Variants in U2SURP observed in about 807,000 individuals in gnomAD.
U2SURP encodes U2 snRNP associated SURP domain containing, also known as U2 snRNP-associated SURP motif-containing protein.
A neutral mutation model predicts 144.9 loss-of-function variants in U2SURP; 9 were observed. The observed-to-expected ratio is 0.06, with a 90% confidence interval of 0.04 to 0.11. U2SURP has a LOEUF of 0.11. U2SURP is among the 10% of genes least tolerant of loss of function. U2SURP has a pLI of 1.00. For synonymous variants in U2SURP, 408 were observed against 396.8 expected, an observed-to-expected ratio of 1.03 and a Z score of -0.33; for missense variants, 724 against 1,226.7, an observed-to-expected ratio of 0.59 and a Z score of 6.12.
chr3:143,007,793 TAAA>T (rs1323127548), intron 1 of U2SURP, among the ~76,000 whole-genome samples: 1 of 152,090 alleles, frequency 6.6e-6, no homozygotes, highest in Non-Finnish European at 1.5e-5. Flanking sequence ...CAGTTAAAAA[TAAA>T]AAGCCAAACT....
At chr3:143,042,455 A>G (rs955806911) in intron 23 of U2SURP, among the ~76,000 whole-genome samples, 2 of 151,662 alleles carry the variant, frequency 1.3e-5, no homozygotes, top group Admixed American at 1.3e-4. Context: ...AATTTTTTTT[A>G]ATTTTCATTT....
chr3:143,017,638 T>A (rs1275467792), intron 6 of U2SURP, among the ~76,000 whole-genome samples: 1 of 152,140 alleles, frequency 6.6e-6, no homozygotes, highest in Admixed American at 6.5e-5. Context: ...TTACCTTTTT[T>A]TTTTGAGACA....
At chr3:143,043,743 C>A (rs1485799583) in intron 24 of U2SURP, among the ~76,000 whole-genome samples, 1 of 149,054 alleles carries the variant, frequency 6.7e-6, no homozygotes, top group African/African-American at 2.5e-5. Flanking sequence ...ATATGTAATA[C>A]ATTATGTGTT....
chr3:143,033,414 A>AGAG, intron 18 of U2SURP, 64 bp downstream of exon 18: 1 of 899,636 alleles, frequency 1.1e-6, no homozygotes, highest in Non-Finnish European at 1.7e-6. Context: ...AGTTCAGAAA[A>AGAG]GAGGATTGTT....
intron 14 of U2SURP, among the ~76,000 whole-genome samples, chr3:143,028,111 T>G (rs1933261684): frequency 6.6e-6 from 1 of 152,134 alleles, no homozygotes; most frequent in African/African-American, 2.4e-5. Context: ...ATAAGACTCA[T>G]GATGCATGCC....
chr3:143,043,409 G>A lies in U2SURP; in HGVS notation c.2544+133G>A, dbSNP rs991927712. 4 of 968,554 alleles carry A rather than the reference G, an allele frequency of 4.1e-6. No homozygotes were observed. The Admixed American group carries it at 1.2e-4, about 30-fold the overall frequency. 60.0% of individuals were successfully genotyped at this position (968,554 alleles called of 1,614,324 possible). The stretch of plus-strand genomic sequence containing the variant: ...CTGCTTAGAACTCTTCATACCAGAT[G>A]ACTTTTCTTCAGGCCTCTTAGTTCA... On this transcript the variant is annotated intron_variant, in intron 24 of 27. Coordinates refer to ENST00000473835, the MANE Select transcript of U2SURP (RefSeq NM_001080415.2).
intron 16 of U2SURP, 53 bp downstream of exon 16, chr3:143,028,699 G>A: frequency 3.4e-6 from 5 of 1,454,334 alleles, no homozygotes; most frequent in Non-Finnish European, 3.7e-6. Context: ...TGTAATGGTT[G>A]CTTTAATTAA....
chr3:143,005,131 G>C (rs1050660724), intron 1 of U2SURP, among the ~76,000 whole-genome samples: 1 of 149,394 alleles, frequency 6.7e-6, no homozygotes, highest in Admixed American at 6.7e-5. Flanking sequence ...ATTTCACTCT[G>C]TGACTATGGC....
At chr3:143,046,302 T>TA (rs1934447740) in intron 24 of U2SURP, among the ~76,000 whole-genome samples, 1 of 131,566 alleles carries the variant, frequency 7.6e-6, no homozygotes, top group Non-Finnish European at 1.5e-5. Flanking sequence ...TTTTTATTTT[T>TA]TTTTATTTTT....
At chr3:143,014,540 G>A (rs768086131) in intron 4 of U2SURP, 131 bp downstream of exon 4, 1 of 532,402 alleles carries the variant, frequency 1.9e-6, no homozygotes, top group South Asian at 3.2e-5. Context: ...TCTGAGTCAA[G>A]TCTGTAATAC....
intron 24 of U2SURP, among the ~76,000 whole-genome samples, chr3:143,048,318 T>G (rs948880976): frequency 2.6e-5 from 4 of 152,248 alleles, no homozygotes; most frequent in African/African-American, 7.2e-5. Flanking sequence ...TTAAAATGAT[T>G]ATCTTAGGAA....
At chr3:143,039,881 T>C (rs1411910928) in intron 23 of U2SURP, among the ~76,000 whole-genome samples, 1 of 151,870 alleles carries the variant, frequency 6.6e-6, no homozygotes, top group Non-Finnish European at 1.5e-5. Flanking sequence ...GAAATGTTGG[T>C]GTGATTAGAA....
In U2SURP at chr3:143,046,300, T is replaced by TA. The variant is rs1182473275; in HGVS notation, c.2544+3024_2544+3025insA. ...TTTTTTTTTTAGTTTATTTTTTATT[T>TA]TTTTTTATTTTTATTTTTTTATTTT... On this transcript the variant is annotated intron_variant, in intron 24 of 27. Transcript: ENST00000473835. Among the ~76,000 whole-genome samples, 317 of 143,774 alleles carry TA rather than the reference T, an allele frequency of 2.2e-3. 3 individuals are homozygous for TA. Among genetic ancestry groups the TA allele is most frequent in the African/African-American group, 8.0e-3 (302 of 37,938 alleles). 94.3% of individuals were successfully genotyped at this position (143,774 alleles called of 152,430 possible).
chr3:143,045,386 AAAAG>A (rs1409820653), intron 24 of U2SURP, among the ~76,000 whole-genome samples: 2 of 151,262 alleles, frequency 1.3e-5, no homozygotes, highest in African/African-American at 4.9e-5. Flanking sequence ...AAAAAAAAAA[AAAAG>A]AGCACTCCCT....
intron 20 of U2SURP, among the ~76,000 whole-genome samples, chr3:143,036,631 G>C (rs189011447): frequency 6.6e-6 from 1 of 152,108 alleles, no homozygotes; most frequent in Admixed American, 6.5e-5. Flanking sequence ...CAACCCACGT[G>C]GTCCTTGTTT....
intron 16 of U2SURP, among the ~76,000 whole-genome samples, chr3:143,032,066 G>A (rs6440131): frequency 0.69 from 105,303 of 151,682 alleles, 37,000 homozygotes; most frequent in African/African-American, 0.82. Context: ...TAAAATATTT[G>A]TAATCTTTTT....
Position 143,021,631 on chromosome 3 carries a change from C to A in U2SURP, c.852+76C>A, listed in dbSNP as rs556138327. ...GAAAGCTTTGTTAGTCAAAAAAAATCAAGATTCTGAAGCTGACAAATCTGA... is the reference window on the plus strand; with the variant it reads ...GAAAGCTTTGTTAGTCAAAAAAAATAAAGATTCTGAAGCTGACAAATCTGA... On this transcript the variant is annotated intron_variant, in intron 10 of 27. Transcript: ENST00000473835. 46 of 1,400,440 alleles carry A rather than the reference C, an allele frequency of 3.3e-5. No individual in the cohort carries two copies. The South Asian group carries it at 5.1e-4, about 15-fold the overall frequency. The allele number at this position is 1,400,440 out of a possible 1,614,324, so 86.8% of individuals were successfully genotyped here.
At chr3:143,007,818 A>AT (rs1935923896) in intron 1 of U2SURP, among the ~76,000 whole-genome samples, 1 of 152,222 alleles carries the variant, frequency 6.6e-6, no homozygotes, top group Non-Finnish European at 1.5e-5. Context: ...AAGACAAAGA[A>AT]TACAGTTCAG....
At chr3:143,008,215 C>CTAA (rs1935943451) in intron 1 of U2SURP, among the ~76,000 whole-genome samples, 1 of 152,110 alleles carries the variant, frequency 6.6e-6, no homozygotes, top group East Asian at 1.9e-4. Context: ...TGAATGGTTA[C>CTAA]GCAAGTGAGA....
Sources: gnomAD v4.1 joint callset for allele counts (sites outside exome capture counted in the v4.1 genomes callset) on GRCh38, gnomAD v4.1.1 for gene constraint, MANE v1.5 for transcripts, NCBI Gene and HGNC (gene_info 2026-07-23, HGNC 2026-07-21) for gene names.